The following SUGCT variants were observed in gnomAD, a reference collection of about 807,000 sequenced individuals.
SUGCT encodes the protein succinyl-CoA:glutarate CoA-transferase.
Under a neutral mutation model 55.0 loss-of-function variants are expected in SUGCT, and 41 were observed. The observed-to-expected ratio is 0.74, with a 90% confidence interval of 0.58 to 0.97. The LOEUF (loss-of-function observed/expected upper bound fraction) is 0.97, where lower values mean the gene tolerates loss of function less well. SUGCT is among the 50% of genes least tolerant of loss of function. SUGCT has a pLI of 0.00. For synonymous variants in SUGCT, 187 were observed against 200.4 expected (o/e 0.93, Z 0.56); for missense variants, 568 against 547.8 (o/e 1.04, Z -0.37).
the SUGCT span, among the ~76,000 whole-genome samples, chr7:41,031,587 G>A: frequency 5.3e-5 from 8 of 152,254 alleles, no homozygotes; most frequent in Middle Eastern, 3.4e-3. Flanking sequence ...AGGGCATCAC[G>A]ATCTGACCGT....
intron 6 of SUGCT, among the ~76,000 whole-genome samples, chr7:40,237,264 C>T (rs760974633): frequency 4.0e-5 from 6 of 151,724 alleles, no homozygotes; most frequent in Admixed American, 6.6e-5. Flanking sequence ...GCCAACATGG[C>T]GAAACCTTGT....
chr7:40,383,517 G>T (rs546723108), intron 9 of SUGCT, among the ~76,000 whole-genome samples: 7 of 152,298 alleles, frequency 4.6e-5, no homozygotes, highest in Non-Finnish European at 7.4e-5. Flanking sequence ...TGTGCTACTT[G>T]ATGTGAAAGA....
At chr7:40,650,075 G>T (rs947145968) in intron 12 of SUGCT, among the ~76,000 whole-genome samples, 4 of 152,118 alleles carry the variant, frequency 2.6e-5, no homozygotes, top group Admixed American at 6.5e-5. Context: ...TTGAAATCAG[G>T]GTTCATTTCC....
chr7:40,356,489 T>A (rs550875167), intron 9 of SUGCT, among the ~76,000 whole-genome samples: 1 of 152,158 alleles, frequency 6.6e-6, no homozygotes, highest in East Asian at 1.9e-4. Context: ...GTGGAGTGAG[T>A]CAGAATATTA....
At chr7:40,699,411 G>C (rs539304482) in intron 12 of SUGCT, among the ~76,000 whole-genome samples, 1 of 152,326 alleles carries the variant, frequency 6.6e-6, no homozygotes, top group Admixed American at 6.5e-5. Flanking sequence ...CATGGCAGTG[G>C]ACACTGAGTG....
At chr7:40,611,874 T>G (rs999849978) in intron 12 of SUGCT, among the ~76,000 whole-genome samples, 12 of 152,210 alleles carry the variant, frequency 7.9e-5, no homozygotes, top group Admixed American at 7.8e-4. Flanking sequence ...GTAGAACAGC[T>G]GATATGATCT....
chr7:40,823,616 G>A (rs1273626610), intron 13 of SUGCT, among the ~76,000 whole-genome samples: 2 of 151,940 alleles, frequency 1.3e-5, no homozygotes, highest in South Asian at 2.1e-4. Flanking sequence ...ATAAGCATTT[G>A]GGATGTGCAT....
At chr7:40,720,733 G>C (rs983414783) in intron 12 of SUGCT, among the ~76,000 whole-genome samples, 1 of 152,208 alleles carries the variant, frequency 6.6e-6, no homozygotes, top group Non-Finnish European at 1.5e-5. Flanking sequence ...ATGCCACTCT[G>C]TGTCATGTTT....
chr7:40,844,152 G>A (rs1793434554), intron 13 of SUGCT, among the ~76,000 whole-genome samples: 1 of 152,090 alleles, frequency 6.6e-6, no homozygotes, highest in Admixed American at 6.5e-5. Flanking sequence ...TCTGGGAAGG[G>A]GTGTCTGCAA....
chr7:40,157,422 A>G (rs1250950871), intron 1 of SUGCT, among the ~76,000 whole-genome samples: 1 of 152,120 alleles, frequency 6.6e-6, no homozygotes, highest in Non-Finnish European at 1.5e-5. Flanking sequence ...TGCATTGTCT[A>G]TGGGGTATTA....
In SUGCT at chr7:40,706,387, G is replaced by A. The variant is rs566443436; in HGVS notation, c.1090-43047G>A. Reference sequence around the variant, plus strand: ...CCGGGAGTGGTGGTGCACACCTGTAGTCCCATCTACTCGGGTGGCTAGGCA... The same window carrying A: ...CCGGGAGTGGTGGTGCACACCTGTAATCCCATCTACTCGGGTGGCTAGGCA... On this transcript the variant is annotated intron_variant, in intron 12 of 13. Coordinates refer to ENST00000335693, the MANE Select transcript of SUGCT (RefSeq NM_001193313.2). Among the ~76,000 whole-genome samples the A allele has an allele frequency of 2.2e-3, 340 of 152,206 alleles. 2 individuals carry two copies. Among genetic ancestry groups the A allele is most frequent in the African/African-American group, 7.9e-3 (328 of 41,542 alleles).
chr7:41,029,863 A>C, the SUGCT span, among the ~76,000 whole-genome samples: 1 of 152,168 alleles, frequency 6.6e-6, no homozygotes, highest in Non-Finnish European at 1.5e-5. Flanking sequence ...CAGTATCATA[A>C]GTAATAGTTT....
intron 8 of SUGCT, 94 bp downstream of exon 8, chr7:40,274,750 C>A: frequency 1.7e-6 from 2 of 1,195,776 alleles, no homozygotes; most frequent in South Asian, 1.3e-5. Context: ...TGTACAAAAA[C>A]AATACAAAAA....
Position 40,496,378 on chromosome 7 carries a change from GA to G in SUGCT, c.1083del (p.Glu361AspfsTer28), listed in dbSNP as rs1179179807. 1 of 1,610,144 alleles carries G rather than the reference GA, an allele frequency of 6.2e-7. No homozygotes were observed. Among genetic ancestry groups the G allele is most frequent in the East Asian group, 2.2e-5 (1 of 44,764 alleles). ...PINNMKNVFA[E>X]PQVLHNGLVM... The stretch of plus-strand genomic sequence containing the variant: ...CAACAACATGAAGAATGTATTTGCA[GA>G]ACCTCAGGTTTGTTTTTGAAGTTTA... On this transcript the variant is annotated frameshift_variant, in exon 12 of 14. Coordinates refer to ENST00000335693, the MANE Select transcript of SUGCT (RefSeq NM_001193313.2). LOFTEE classifies it high-confidence loss of function.
At chr7:40,464,244 C>A (rs1426440640) in intron 11 of SUGCT, among the ~76,000 whole-genome samples, 1 of 152,158 alleles carries the variant, frequency 6.6e-6, no homozygotes, top group Non-Finnish European at 1.5e-5. Flanking sequence ...AGATACAGAG[C>A]TGAAAGATGA....
intron 13 of SUGCT, among the ~76,000 whole-genome samples, chr7:40,752,466 C>G (rs1297322365): frequency 2.6e-5 from 4 of 152,226 alleles, no homozygotes; most frequent in Non-Finnish European, 5.9e-5. Flanking sequence ...AGCAATTCCC[C>G]TGCCTCAGCC....
At position 40,808,696 on chromosome 7, in the gene SUGCT, T is replaced by C. The variant is rs888766389; in HGVS notation, c.1154-51620T>C. Among the ~76,000 whole-genome samples the C allele has an allele frequency of 3.9e-5, 6 of 152,346 alleles. No homozygotes were observed. The South Asian group carries it at 1.0e-3, about 26-fold the overall frequency. ...TAAGTTGCCCCATTCCCTGCTTTTA[T>C]ACAAAAATATCTCTTGTGTGTGTCA... is the stretch of plus-strand genomic sequence containing the variant. On this transcript the variant is annotated intron_variant, in intron 13 of 13. Coordinates refer to ENST00000335693, the MANE Select transcript of SUGCT (RefSeq NM_001193313.2).
At chr7:40,322,078 T>G (rs1795784758) in intron 9 of SUGCT, among the ~76,000 whole-genome samples, 1 of 152,222 alleles carries the variant, frequency 6.6e-6, no homozygotes, top group Non-Finnish European at 1.5e-5. Flanking sequence ...CTTTTCTCCA[T>G]GTCCTCACCA....
rs184948023 is a variant in SUGCT, at chr7:40,335,825, G to C, written c.816+18970G>C. On this transcript the variant is annotated intron_variant, in intron 9 of 13. Transcript: ENST00000335693. ...GAGAGAGGGCATCCCTGTCTTGTGC[G>C]AGTTTTCAAAGGCAATGCTTCCAGT... Among the ~76,000 whole-genome samples the C allele has an allele frequency of 2.2e-3, 333 of 152,164 alleles. 3 individuals are homozygous for C. The highest frequency in any genetic ancestry group is 7.4e-3 in the African/African-American group (306 of 41,516).
Sources: allele counts gnomAD v4.1 joint callset (sites outside exome capture counted in the v4.1 genomes callset), GRCh38; gene constraint gnomAD v4.1.1; transcripts MANE v1.5; gene names NCBI Gene and HGNC (gene_info 2026-07-23, HGNC 2026-07-21).